The following CTNNA3 variants were observed in gnomAD, a reference collection of about 807,000 sequenced individuals.
CTNNA3 encodes the protein catenin alpha-3.
Under a neutral mutation model 95.7 loss-of-function variants are expected in CTNNA3, and 76 were observed. That is an observed-to-expected ratio of 0.79 (90% confidence interval 0.66 to 0.96). CTNNA3 has a LOEUF of 0.96. Ranked by LOEUF, CTNNA3 falls within the 40% of genes least tolerant of loss-of-function variation. The probability of loss-of-function intolerance (pLI) is 0.00; values close to 1 mark genes in which losing one functional copy is unlikely to be tolerated. For synonymous variants in CTNNA3, 431 were observed against 374.4 expected (o/e 1.15, Z -1.74); for missense variants, 1,191 against 1,089.8 (o/e 1.09, Z -1.31).
chr10:67,276,812 T>C (rs1269050811), intron 5 of CTNNA3, among the ~76,000 whole-genome samples: 1 of 152,016 alleles, frequency 6.6e-6, no homozygotes, highest in Non-Finnish European at 1.5e-5. Flanking sequence ...TTTTTTCTAC[T>C]TTTGATAATG....
At chr10:66,432,059 A>T (rs1197539977) in intron 11 of CTNNA3, among the ~76,000 whole-genome samples, 1 of 152,130 alleles carries the variant, frequency 6.6e-6, no homozygotes, top group African/African-American at 2.4e-5. Flanking sequence ...TGATCTAGTA[A>T]CTTCATTTTT....
intron 9 of CTNNA3, among the ~76,000 whole-genome samples, chr10:66,666,103 T>C (rs1047715304): frequency 1.3e-5 from 2 of 152,118 alleles, no homozygotes; most frequent in African/African-American, 4.8e-5. Context: ...TGGTAACCAG[T>C]TGGGGCCAAA....
At chr10:66,833,166 T>G (rs28462007) in intron 7 of CTNNA3, among the ~76,000 whole-genome samples, 1 of 152,166 alleles carries the variant, frequency 6.6e-6, no homozygotes, top group African/African-American at 2.4e-5. Flanking sequence ...TCCTCTGAGG[T>G]CTGAATCATT....
intron 13 of CTNNA3, among the ~76,000 whole-genome samples, chr10:66,184,435 A>G (rs1176444064): frequency 6.6e-6 from 1 of 152,232 alleles, no homozygotes; most frequent in Non-Finnish European, 1.5e-5. Flanking sequence ...GTTCCATATT[A>G]TAACCTAAAA....
intron 8 of CTNNA3, among the ~76,000 whole-genome samples, chr10:66,774,996 A>T (rs1327146112): frequency 6.6e-6 from 1 of 152,216 alleles, no homozygotes; most frequent in African/African-American, 2.4e-5. Flanking sequence ...CTTACTAGTT[A>T]ATCATTTGGA....
chr10:67,343,274 T>C (rs1842284107), intron 5 of CTNNA3, among the ~76,000 whole-genome samples: 1 of 152,172 alleles, frequency 6.6e-6, no homozygotes, highest in African/African-American at 2.4e-5. Context: ...GGATAGTTTT[T>C]TTCTATTTCT....
intron 5 of CTNNA3, among the ~76,000 whole-genome samples, chr10:67,433,079 C>T (rs1206016171): frequency 3.9e-5 from 6 of 152,086 alleles, no homozygotes; most frequent in African/African-American, 1.4e-4. Context: ...TAGATTTTGA[C>T]ATACCTTCCT....
At chr10:67,117,391 T>C (rs7074388) in intron 7 of CTNNA3, among the ~76,000 whole-genome samples, 96,063 of 151,862 alleles carry the variant, frequency 0.63, 31,536 homozygotes, top group African/African-American at 0.82. Context: ...CCCTTTCCTG[T>C]TCCAGTTTGA....
chr10:67,505,876 T>G (rs940689587), intron 5 of CTNNA3, among the ~76,000 whole-genome samples: 2 of 152,210 alleles, frequency 1.3e-5, no homozygotes, highest in South Asian at 4.1e-4. Context: ...AGAATTTATA[T>G]AGAGAATTTT....
At position 66,718,674 on chromosome 10, in the gene CTNNA3, TTATAA is replaced by T. The variant is rs375487929; in HGVS notation, c.1281+47585_1281+47589del. On this transcript the variant is annotated intron_variant, in intron 9 of 17. Transcript: ENST00000433211. The stretch of plus-strand genomic sequence containing the variant: ...TCATTAATAATATAATAAAATAAAC[TTATAA>T]TAAAGAGAATGTAAGCTTTGTGAGG... Among the ~76,000 whole-genome samples, 536 of 150,400 alleles carry T rather than the reference TTATAA, an allele frequency of 3.6e-3. 4 individuals carry two copies. The highest frequency in any genetic ancestry group is 0.012 in the African/African-American group (509 of 41,240).
chr10:67,074,540 T>C (rs1360377716), intron 7 of CTNNA3, among the ~76,000 whole-genome samples: 5 of 151,264 alleles, frequency 3.3e-5, no homozygotes, highest in South Asian at 2.1e-4. Flanking sequence ...TTAGTAGAGA[T>C]GGGGTTTCAC....
Position 66,544,919 on chromosome 10 carries a change from A to G in CTNNA3, c.1375-24146T>C, listed in dbSNP as rs531871261. On this transcript the variant is annotated intron_variant, in intron 10 of 17. Transcript: ENST00000433211. ...TTCTCTGTCCTTCTACTGGTTTGGG[A>G]AAAGATTTATGTAACAAACCATTAT... Among the ~76,000 whole-genome samples the G allele has an allele frequency of 7.2e-4, 109 of 152,214 alleles. 1 individual carries two copies. The highest frequency in any genetic ancestry group is 2.6e-3 in the African/African-American group (108 of 41,562).
intron 7 of CTNNA3, among the ~76,000 whole-genome samples, chr10:67,133,551 T>C (rs910432148): frequency 6.6e-6 from 1 of 151,510 alleles, no homozygotes; most frequent in Non-Finnish European, 1.5e-5. Flanking sequence ...GGAGCATCCA[T>C]TGCTGAGAAT....
intron 11 of CTNNA3, among the ~76,000 whole-genome samples, chr10:66,430,830 G>A (rs2093288298): frequency 6.6e-6 from 1 of 152,132 alleles, no homozygotes; most frequent in Non-Finnish European, 1.5e-5. Context: ...TACCATTCAG[G>A]ACATAGGCAT....
At chr10:67,726,702 T>TATATC (rs1841231050) in intron 1 of CTNNA3, among the ~76,000 whole-genome samples, 4 of 1,952 alleles carry the variant, frequency 2.0e-3, no homozygotes, top group African/African-American at 2.8e-3. Flanking sequence ...TTATATATAA[T>TATATC]ATATATCATA....
intron 17 of CTNNA3, among the ~76,000 whole-genome samples, chr10:65,955,100 C>G (rs2077701099): frequency 6.6e-6 from 1 of 151,774 alleles, no homozygotes; most frequent in Admixed American, 6.6e-5. Context: ...AGAGGTCCTT[C>G]ACATCCCTTG....
intron 11 of CTNNA3, among the ~76,000 whole-genome samples, chr10:66,419,316 T>C (rs1230623117): frequency 2.1e-4 from 32 of 151,976 alleles, no homozygotes; most frequent in Admixed American, 2.0e-3. Context: ...CCAAAAAAAT[T>C]ACATAGGAAT....
At chr10:65,963,283 C>A (rs937710625) in intron 17 of CTNNA3, among the ~76,000 whole-genome samples, 4 of 152,090 alleles carry the variant, frequency 2.6e-5, no homozygotes, top group Non-Finnish European at 1.5e-5. Context: ...AAAACACACA[C>A]CAAAAGTACC....
intron 11 of CTNNA3, among the ~76,000 whole-genome samples, chr10:66,416,270 TA>T (rs57188902): frequency 0.35 from 52,129 of 150,454 alleles, 9,634 homozygotes; most frequent in African/African-American, 0.48. Flanking sequence ...ACACATTTTT[TA>T]AAAAAAAAGA....
Sources: allele counts gnomAD v4.1 joint callset (sites outside exome capture counted in the v4.1 genomes callset), GRCh38; gene constraint gnomAD v4.1.1; transcripts MANE v1.5; gene names NCBI Gene and HGNC (gene_info 2026-07-23, HGNC 2026-07-21).